The following COL2A1 variants were observed in gnomAD, a reference collection of about 807,000 sequenced individuals.
COL2A1 encodes the protein collagen type II alpha 1 chain.
A neutral mutation model predicts 204.5 loss-of-function variants in COL2A1; 28 were observed. That is an observed-to-expected ratio of 0.14 (90% CI 0.10 to 0.19). The LOEUF (loss-of-function observed/expected upper bound fraction) is 0.19. Among genes scored for constraint, COL2A1 ranks in the 10% least tolerant of loss-of-function variants. The pLI is 1.00. For synonymous variants in COL2A1, 708 were observed against 718.7 expected (o/e 0.99, Z 0.24); for missense variants, 1,388 against 2,027.5 (o/e 0.68, Z 6.06).
At chr12:47,998,754 C>T (rs1940088936) in intron 2 of COL2A1, 1 of 324,176 alleles carries the variant, frequency 3.1e-6, no homozygotes, top group Non-Finnish European at 5.7e-6. Context: ...AAGGAAAGCA[C>T]AGATTCAGTC....
chr12:47,983,760 G>A, intron 29 of COL2A1, 24 bp from the exon 30 acceptor site: 3 of 1,570,466 alleles, frequency 1.9e-6, no homozygotes, highest in Non-Finnish European at 2.6e-6. Flanking sequence ...GAAAAGGTGA[G>A]CTGAGCCAGT....
rs755457830 is a variant in COL2A1, at chr12:47,981,415, G to A, written c.2410-19C>T. The A allele has an allele frequency of 1.2e-6, 2 of 1,604,748 alleles. No individual in the cohort carries two copies. The highest frequency in any genetic ancestry group is 1.7e-6 in the Non-Finnish European group (2 of 1,176,150). On this transcript the variant is annotated intron_variant, in intron 36 of 53. Coordinates refer to ENST00000380518, the MANE Select transcript of COL2A1 (RefSeq NM_001844.5). ...CTTCTCCCTGAGGGTGGGGAAGGGA[G>A]GAAGAGCTGGGGTAAGAAGGTGGGG...
rs1476722448 is a variant in COL2A1 at position 47,981,408 on chromosome 12, G to A, written c.2410-12C>T. The A allele has an allele frequency of 2.5e-6, 4 of 1,607,846 alleles. No individual in the cohort carries two copies. Among genetic ancestry groups the A allele is most frequent in the Middle Eastern group, 1.7e-4 (1 of 5,962 alleles). On this transcript the variant is annotated splice_polypyrimidine_tract_variant and intron_variant, in intron 36 of 53. Transcript: ENST00000380518. ...GGTCCAACTTCTCCCTGAGGGTGGG[G>A]AAGGGAGGAAGAGCTGGGGTAAGAA... is the stretch of plus-strand genomic sequence containing the variant.
rs1939315517 is a variant in COL2A1, at chr12:47,985,031, A to T, written c.1797T>A (p.Pro599=). ...PPGPQGARGQ[P]GVMGFPGPKG... ...TGGGGCCAGGGAAACCCATGACACC[A>T]GGCTGCCCACGAGCCCCCTGAGGAC... Residue 599 remains proline, a synonymous_variant, in exon 27 of 54, where the codon CCT becomes CCA. Transcript: ENST00000380518. 6.2e-7 allele frequency: 1 copy of T among 1,614,002 alleles called. No homozygotes were observed. Among genetic ancestry groups the T allele is most frequent in the Middle Eastern group, 1.6e-4 (1 of 6,062 alleles).
intron 47 of COL2A1, 30 bp downstream of exon 47, chr12:47,977,072 G>GATACTT (rs1565669523): frequency 1.9e-6 from 3 of 1,594,746 alleles, no homozygotes; most frequent in South Asian, 2.3e-5. Context: ...TCCCTGGTGG[G>GATACTT]GACTCAGTGC....
chr12:47,980,796 C>A lies in COL2A1; in HGVS notation c.2517+119G>T, dbSNP rs1035146739. On this transcript the variant is annotated intron_variant, in intron 38 of 53. Coordinates refer to ENST00000380518, the MANE Select transcript of COL2A1 (RefSeq NM_001844.5). This position sits in a 1 kb window ranked among gnomAD's most constrained non-coding sequence, Gnocchi z 4.5. Reference sequence around the variant, plus strand: ...CATGATGGTTCTATTAGTATGGAGGCGGGAAAGGAGAGGAGAGGAGCATCC... The same window carrying A: ...CATGATGGTTCTATTAGTATGGAGGAGGGAAAGGAGAGGAGAGGAGCATCC... The A allele has an allele frequency of 6.8e-5, 95 of 1,402,440 alleles. No homozygotes were observed. In the African/African-American group the frequency reaches 1.2e-3, roughly 18 times the overall value. The allele number at this position is 1,402,440 out of a possible 1,614,324, so 86.9% of individuals were successfully genotyped here.
At chr12:47,991,550 G>A (rs1939708147) in intron 16 of COL2A1, among the ~76,000 whole-genome samples, 1 of 152,180 alleles carries the variant, frequency 6.6e-6, no homozygotes, top group African/African-American at 2.4e-5. Flanking sequence ...GGAGTCTGAT[G>A]GGAGGGGAGA....
At chr12:47,974,450 G>A in intron 52 of COL2A1, 119 bp from the exon 53 acceptor site, 1 of 1,405,700 alleles carries the variant, frequency 7.1e-7, no homozygotes, top group Non-Finnish European at 9.7e-7. Context: ...GGGCAGCAGG[G>A]AGCTAGTTGG....
chr12:47,991,951 A>G (rs1407252483), intron 16 of COL2A1, among the ~76,000 whole-genome samples: 1 of 152,128 alleles, frequency 6.6e-6, no homozygotes, highest in Non-Finnish European at 1.5e-5. Flanking sequence ...TTTGAGGGAA[A>G]CTTCTGCCAA....
intron 33 of COL2A1, 26 bp downstream of exon 33, chr12:47,982,822 C>T (rs775657271): frequency 4.4e-6 from 7 of 1,590,316 alleles, no homozygotes; most frequent in South Asian, 1.1e-5. Flanking sequence ...ACCACGAAGA[C>T]CCCTACAGGA....
chr12:48,003,326 C>T (rs746851838), intron 1 of COL2A1, among the ~76,000 whole-genome samples: 25 of 152,008 alleles, frequency 1.6e-4, no homozygotes, highest in Non-Finnish European at 3.4e-4. Flanking sequence ...CACACACACA[C>T]ACGCACACAC....
chr12:47,974,363 T>G, intron 52 of COL2A1, 32 bp from the exon 53 acceptor site: 1 of 1,611,900 alleles, frequency 6.2e-7, no homozygotes, highest in Non-Finnish European at 8.5e-7. Context: ...GTGTGAGGCC[T>G]GGGAGCTGGC....
chr12:47,978,634 G>A lies in COL2A1; in HGVS notation c.2858C>T (p.Pro953Leu). The A allele has an allele frequency of 6.2e-7, 1 of 1,613,564 alleles. No homozygotes were observed. Residue 953 changes from proline (P) to leucine (L), a missense_variant, in exon 42 of 54, where the codon CCT becomes CTT. Pro to Leu is a moderately conservative substitution (Grantham distance 98, BLOSUM62 -3). Transcript: ENST00000380518. The surrounding 1 kb of genome is among the most constrained non-coding windows in gnomAD (Gnocchi z 5.5). ...ATCTCCAGGCTCTCCCTTCTCGCCAGGGGGTCCAGCAGGACCTTGGAGGCC... is the reference window on the plus strand; with the variant it reads ...ATCTCCAGGCTCTCCCTTCTCGCCAAGGGGTCCAGCAGGACCTTGGAGGCC... ...EPGLQGPAGP[P>L]GEKGEPGDDG... is the part of the protein sequence containing the mutation.
upstream of COL2A1, chr12:48,006,163 A>G (rs956127318): frequency 6.6e-6 from 1 of 152,196 alleles, no homozygotes; most frequent in African/African-American, 2.4e-5. Flanking sequence ...GTCTCTTGCC[A>G]TCAGTGCCCC....
rs1338267090 is a variant in COL2A1 at position 47,975,992 on chromosome 12, G to A, written c.3568C>T (p.Arg1190Cys). ...IPGPIGPPGP[R>C]GRSGETGPAG... ...GGGCCGGTTTCGCCTGATCGTCCAC[G>A]GGGACCAGGAGGCCCAATGGGGCCA... The change falls in exon 50 of 54, where the codon CGT becomes TGT. Residue 1190 changes from arginine to cysteine, a missense_variant. Physicochemically the swap from Arg to Cys is radical, Grantham distance 180. This residue lies in a region of COL2A1 where 884 missense variants were observed against 1,415.8 expected (regional missense o/e 0.62). Coordinates refer to ENST00000380518, the MANE Select transcript of COL2A1 (RefSeq NM_001844.5). The A allele has an allele frequency of 1.2e-6, 2 of 1,614,016 alleles. No homozygotes were observed. Among genetic ancestry groups the A allele is most frequent in the Non-Finnish European group, 1.7e-6 (2 of 1,179,870 alleles).
Position 47,976,643 on chromosome 12 carries a change from G to A in COL2A1, c.3436-76C>T. On this transcript the variant is annotated intron_variant, in intron 48 of 53. Coordinates refer to ENST00000380518, the MANE Select transcript of COL2A1 (RefSeq NM_001844.5). This position sits in a 1 kb window ranked among gnomAD's most constrained non-coding sequence, Gnocchi z 4.3. ...CTATATTCTGGGAGCTGGGGGAACA[G>A]CTTTATGTCCCAGCCCCATTCCCTT... 3.3e-6 allele frequency: 5 copies of A among 1,500,872 alleles called. No individual in the cohort carries two copies. The highest frequency in any genetic ancestry group is 4.6e-6 in the Non-Finnish European group (5 of 1,079,838). The allele number at this position is 1,500,872 out of a possible 1,614,324, so 93.0% of individuals were successfully genotyped here.
Position 47,983,115 on chromosome 12 carries a change from G to A in COL2A1, c.2072C>T (p.Ala691Val), listed in dbSNP as rs1025771975. ...GDQGVPGEAG[A>V]PGLVGPRGER... is the part of the protein sequence containing the mutation. ...CACCCTGGGACCCACGAGGCCAGGG[G>A]CTCCAGCTTCACCGGGAACACCCTG... The change falls in exon 32 of 54, where the codon GCC becomes GTC. Residue 691 changes from alanine to valine, a missense_variant. Around this residue, in one of 3 missense-constraint regions of COL2A1, gnomAD observed 884 missense variants for 1,415.8 expected, o/e 0.62. Coordinates refer to ENST00000380518, the MANE Select transcript of COL2A1 (RefSeq NM_001844.5). The A allele has an allele frequency of 4.3e-6, 7 of 1,613,774 alleles. No homozygotes were observed. The African/African-American group carries it at 6.7e-5, about 15-fold the overall frequency.
chr12:47,996,530 A>G lies in COL2A1; in HGVS notation c.609+18T>C, dbSNP rs1300829627. ...CCTCCTGCCATTTTGGCTGCAAAGA[A>G]CTAGTGTCTTTTCTTACCATTGGTC... is the stretch of plus-strand genomic sequence containing the variant. On this transcript the variant is annotated intron_variant, in intron 8 of 53. Transcript: ENST00000380518. 1.2e-6 allele frequency: 2 copies of G among 1,609,844 alleles called. No individual in the cohort carries two copies. Among genetic ancestry groups the G allele is most frequent in the African/African-American group, 2.7e-5 (2 of 74,842 alleles).
intron 15 of COL2A1, 130 bp from the exon 16 acceptor site, chr12:47,993,061 C>A: frequency 1.2e-6 from 1 of 849,926 alleles, no homozygotes. Flanking sequence ...AAACAAGGAC[C>A]TCCTGATGGT....
Sources: allele counts gnomAD v4.1 joint callset (sites outside exome capture counted in the v4.1 genomes callset), GRCh38; gene constraint gnomAD v4.1.1; regional missense constraint gnomAD v4.1.1; non-coding constraint Gnocchi (gnomAD v3.1); transcripts MANE v1.5; gene names NCBI Gene and HGNC (gene_info 2026-07-23, HGNC 2026-07-21).